WDR86: variants seen among roughly 807,000 people sequenced by gnomAD.
The protein encoded by WDR86 is WD repeat domain 86.
A neutral mutation model predicts 36.5 loss-of-function variants in WDR86; 30 were observed. That is an observed-to-expected ratio of 0.82 (90% confidence interval 0.61 to 1.11). The LOEUF (loss-of-function observed/expected upper bound fraction) is 1.11, where lower values mean the gene tolerates loss of function less well. Among genes scored for constraint, WDR86 ranks in the 50% most tolerant of loss-of-function variants. The pLI, the probability that WDR86 is intolerant of heterozygous loss-of-function variation, is 0.00. For missense variants in WDR86, 545 were observed against 561.2 expected (o/e 0.97, Z 0.29); for synonymous variants, 255 against 252.9 (o/e 1.01, Z -0.08).
chr7:151,395,816 C>T lies in WDR86; in HGVS notation c.686G>A (p.Arg229Gln), dbSNP rs139982186. Residue 229 changes from arginine (R) to glutamine (Q), a missense_variant, in exon 3 of 6, where the codon CGG (arginine) becomes CAG (glutamine). Transcript: ENST00000334493. ...AWDILSGEQLRVFREHRGSVI... is the reference protein window; with the variant it reads ...AWDILSGEQLQVFREHRGSVI... ...GGAGCCCCGGTGCTCCCGGAACACC[C>T]GCAGCTGCTCCCCACTCAGGATGTC... is the stretch of plus-strand genomic sequence containing the variant. The T allele has an allele frequency of 7.6e-6, 12 of 1,573,140 alleles. No individual in the cohort carries two copies. The highest frequency in any genetic ancestry group is 1.2e-5 in the South Asian group (1 of 85,548).
intron 3 of WDR86, among the ~76,000 whole-genome samples, chr7:151,393,274 G>A (rs976570060): frequency 1.3e-5 from 2 of 152,204 alleles, no homozygotes; most frequent in African/African-American, 4.8e-5. Flanking sequence ...TGTGCATGTG[G>A]AGTGTGTGCG....
chr7:151,383,393 G>C, intron 4 of WDR86, among the ~76,000 whole-genome samples: 1 of 150,676 alleles, frequency 6.6e-6, no homozygotes, highest in East Asian at 2.0e-4. Flanking sequence ...AGAATCACTT[G>C]AATCTGGGAA....
At position 151,409,878 on chromosome 7, in the gene WDR86, G is replaced by C; in HGVS notation, c.-289C>G. 8.6e-7 allele frequency: 1 copy of C among 1,164,078 alleles called. No homozygotes were observed. The highest frequency in any genetic ancestry group is 1.1e-6 in the Non-Finnish European group (1 of 945,008). 72.1% of individuals were successfully genotyped at this position (1,164,078 alleles called of 1,614,324 possible). A position where few individuals can be genotyped will look rare whatever the true frequency, so the allele number is the denominator to read the frequency against. On this transcript the variant is annotated 5_prime_UTR_variant, in exon 1 of 6. Coordinates refer to ENST00000334493, the MANE Select transcript of WDR86 (RefSeq NM_198285.3). This position sits in a 1 kb window ranked among gnomAD's most constrained non-coding sequence, Gnocchi z 5.2. ...CAGAGAGAACCCCCTTCCCAGCACC[G>C]CTCGGAGGATCCACACCCCACCGGG...
downstream of WDR86, chr7:151,376,673 G>A (rs1798288018): frequency 6.2e-7 from 1 of 1,611,456 alleles, no homozygotes; most frequent in South Asian, 1.1e-5. Flanking sequence ...GGCCGAAGCT[G>A]CGCTGAGAGT....
At chr7:151,369,625 C>T in the WDR86 span, among the ~76,000 whole-genome samples, 1 of 152,158 alleles carries the variant, frequency 6.6e-6, no homozygotes, top group Non-Finnish European at 1.5e-5. Context: ...TGGAAGCATC[C>T]TTATTCTATC....
At chr7:151,376,380 G>A (rs569922715), downstream of WDR86, 11 of 516,652 alleles carry the variant, frequency 2.1e-5, no homozygotes, top group East Asian at 1.6e-4. Flanking sequence ...CTGGTGTGGC[G>A]CCCTGCTCTC....
chr7:151,403,740 A>T (rs1800508787), intron 1 of WDR86, among the ~76,000 whole-genome samples: 1 of 152,174 alleles, frequency 6.6e-6, no homozygotes, highest in South Asian at 2.1e-4. Context: ...ATTTTTGCCA[A>T]CCCCAGAGGG....
At chr7:151,380,870 A>ATGGG (rs1421287931), downstream of WDR86, among the ~76,000 whole-genome samples, 4 of 137,394 alleles carry the variant, frequency 2.9e-5, no homozygotes, top group Non-Finnish European at 4.5e-5. Context: ...CCCTGCTCCC[A>ATGGG]AGCAGGGTCC....
chr7:151,404,874 G>A (rs899132495), intron 1 of WDR86, among the ~76,000 whole-genome samples: 9 of 152,192 alleles, frequency 5.9e-5, no homozygotes, highest in African/African-American at 1.2e-4. Context: ...TGCTGGTGGC[G>A]GGTCTCTGCC....
downstream of WDR86, chr7:151,378,137 C>T (rs1426757539): frequency 1.3e-5 from 2 of 152,098 alleles, no homozygotes; most frequent in Admixed American, 6.5e-5. Context: ...CGCTGTGTGT[C>T]GGCTCCAGCA....
At chr7:151,384,679 T>C (rs1239046290) in intron 4 of WDR86, among the ~76,000 whole-genome samples, 2 of 152,224 alleles carry the variant, frequency 1.3e-5, no homozygotes, top group African/African-American at 4.8e-5. Flanking sequence ...CACCACCTCA[T>C]TGGAACCACA....
rs545507232 is a variant in WDR86, at chr7:151,392,937, C to G, written c.726+2839G>C. ...TCAGTCTTGGCTCCCTGCACCCCAC[C>G]CCCCTGCTAGGACTGAGCCCCACTG... is the stretch of plus-strand genomic sequence containing the variant. On this transcript the variant is annotated intron_variant, in intron 3 of 5. Coordinates refer to ENST00000334493, the MANE Select transcript of WDR86 (RefSeq NM_198285.3). Among the ~76,000 whole-genome samples, 24 of 152,286 alleles carry G rather than the reference C, an allele frequency of 1.6e-4. No homozygotes were observed. In the South Asian group the frequency reaches 1.7e-3, roughly 11 times the overall value.
intron 3 of WDR86, among the ~76,000 whole-genome samples, chr7:151,395,538 C>CA (rs1799756776): frequency 6.6e-6 from 1 of 150,426 alleles, no homozygotes; most frequent in South Asian, 2.1e-4. Flanking sequence ...CACACACACA[C>CA]GAGGACAGGG....
rs1201714859 is a variant in WDR86, at chr7:151,397,771, G to A, written c.306-1575C>T. Among the ~76,000 whole-genome samples the A allele has an allele frequency of 5.1e-3, 352 of 68,772 alleles. 6 individuals carry two copies. Among genetic ancestry groups the A allele is most frequent in the African/African-American group, 0.016 (241 of 15,212 alleles). The allele number at this position is 68,772 out of a possible 152,430, so 45.1% of individuals were successfully genotyped here. A position where few individuals can be genotyped will look rare whatever the true frequency, so the allele number is the denominator to read the frequency against. ...GAGGGTGTAGCGGGAGGAAGAGGGCGTAGCAGGAGGAAGGGCATAGCGGGA... is the reference window on the plus strand; with the variant it reads ...GAGGGTGTAGCGGGAGGAAGAGGGCATAGCAGGAGGAAGGGCATAGCGGGA... On this transcript the variant is annotated intron_variant, in intron 2 of 5. Transcript: ENST00000334493.
At chr7:151,392,858 T>C (rs935348115) in intron 3 of WDR86, among the ~76,000 whole-genome samples, 2 of 152,120 alleles carry the variant, frequency 1.3e-5, no homozygotes, top group Admixed American at 1.3e-4. Flanking sequence ...AGTGCATTCC[T>C]AGGGGGTCTC....
rs902611583 is a variant in WDR86, at chr7:151,388,190, C to T, written c.727-2967G>A. On this transcript the variant is annotated intron_variant, in intron 3 of 5. Transcript: ENST00000334493. This position sits in a 1 kb window ranked among gnomAD's most constrained non-coding sequence, Gnocchi z 4.2. The stretch of plus-strand genomic sequence containing the variant: ...GGGCTCCCAGATCCTGTAGGTCTTT[C>T]TTTTCTCTGGCTGGATTTGAAATGC... Among the ~76,000 whole-genome samples the T allele has an allele frequency of 1.3e-5, 2 of 152,244 alleles. No homozygotes were observed. The highest frequency in any genetic ancestry group is 2.9e-5 in the Non-Finnish European group (2 of 68,040).
chr7:151,386,493 G>A (rs149748274), intron 3 of WDR86, among the ~76,000 whole-genome samples: 6 of 152,096 alleles, frequency 3.9e-5, no homozygotes, highest in Non-Finnish European at 5.9e-5. Context: ...CTGGGGTTAC[G>A]GTGGGCCCCA....
downstream of WDR86, chr7:151,377,267 T>G: frequency 7.5e-7 from 1 of 1,340,762 alleles, no homozygotes; most frequent in Non-Finnish European, 1.0e-6. Context: ...TTATAAATGC[T>G]ATCATTATGA....
chr7:151,376,645 G>C, downstream of WDR86: 1 of 1,610,674 alleles, frequency 6.2e-7, no homozygotes, highest in Non-Finnish European at 8.5e-7. Flanking sequence ...TGGTGTACAT[G>C]GGTTTTGATG....
Sources: gnomAD v4.1 joint callset for allele counts (sites outside exome capture counted in the v4.1 genomes callset) on GRCh38, gnomAD v4.1.1 for gene constraint, Gnocchi (gnomAD v3.1) non-coding constraint, MANE v1.5 for transcripts, NCBI Gene and HGNC (gene_info 2026-07-23, HGNC 2026-07-21) for gene names.